Variants in BICD2 observed in about 807,000 individuals in gnomAD.
The protein encoded by BICD2 is BICD cargo adaptor 2, also known as protein bicaudal D homolog 2.
In BICD2, 25 loss-of-function variants were observed where a neutral mutation model predicts 72.9. That is an observed-to-expected ratio of 0.34 (90% CI 0.25 to 0.48). The LOEUF is 0.48. BICD2 is among the 20% of genes least tolerant of loss of function. The pLI is 0.99. For missense variants in BICD2, 894 were observed against 1,175.2 expected (o/e 0.76, Z 3.50); for synonymous variants, 501 against 516.1 (o/e 0.97, Z 0.40).
chr9:92,718,533 C>G lies in BICD2; in HGVS notation c.2106+6G>C, dbSNP rs201184890. ...TGACATGTGCCCCTGCTGCCTGGCA[C>G]CTCACCTGCTTGTTGGCCTTGAGCA... On this transcript the variant is annotated splice_donor_region_variant and intron_variant, in intron 5 of 6. Coordinates refer to ENST00000356884, the MANE Select transcript of BICD2 (RefSeq NM_001003800.2). 22 of 1,601,066 alleles carry G rather than the reference C, an allele frequency of 1.4e-5. No individual in the cohort carries two copies. Among genetic ancestry groups the G allele is most frequent in the Non-Finnish European group, 1.7e-5 (20 of 1,172,418 alleles).
At chr9:92,725,285 C>T (rs1853545488) in intron 2 of BICD2, among the ~76,000 whole-genome samples, 1 of 152,242 alleles carries the variant, frequency 6.6e-6, no homozygotes, top group Non-Finnish European at 1.5e-5. Context: ...AAACCCAGAA[C>T]ACAGAGGCAC....
chr9:92,735,341 C>T (rs1342587931), intron 1 of BICD2, among the ~76,000 whole-genome samples: 6 of 151,998 alleles, frequency 3.9e-5, no homozygotes, highest in Non-Finnish European at 7.4e-5. Flanking sequence ...GCAGGACAGA[C>T]GCTGGGTCTA....
At chr9:92,746,825 C>G (rs1854023763) in intron 1 of BICD2, among the ~76,000 whole-genome samples, 1 of 152,200 alleles carries the variant, frequency 6.6e-6, no homozygotes, top group African/African-American at 2.4e-5. Context: ...CTGAGCACTT[C>G]AGGGTAACCT....
Position 92,719,227 on chromosome 9 carries a change from C to T in BICD2, c.1418G>A (p.Arg473His), listed in dbSNP as rs766539334. ...GAGTGCCTGGCCCTCAGCCTCATAGCGGCCCTTCTCCTCGGCGTGCTGGGC... is the reference window on the plus strand; with the variant it reads ...GAGTGCCTGGCCCTCAGCCTCATAGTGGCCCTTCTCCTCGGCGTGCTGGGC... ...REAQHAEEKG[R>H]YEAEGQALTE... is the part of the protein sequence containing the mutation. The change falls in exon 5 of 7, where the codon CGC becomes CAC. Residue 473 changes from arginine to histidine, a missense_variant. This residue lies in a region of BICD2 where 371 missense variants were observed against 439.1 expected (regional missense o/e 0.84). Transcript: ENST00000356884. 9.3e-6 allele frequency: 15 copies of T among 1,611,776 alleles called. No homozygotes were observed. The highest frequency in any genetic ancestry group is 3.3e-5 in the South Asian group (3 of 91,086).
At position 92,720,281 on chromosome 9, in the gene BICD2, G is replaced by T; in HGVS notation, c.1062+19C>A. Reference sequence around the variant, plus strand: ...CCTGGAGTGGGGACAGCGTGCCGAAGGCCCCACTGCCTGCTCACCTGCATC... The same window carrying T: ...CCTGGAGTGGGGACAGCGTGCCGAATGCCCCACTGCCTGCTCACCTGCATC... On this transcript the variant is annotated intron_variant, in intron 4 of 6. Transcript: ENST00000356884. The surrounding 1 kb of genome is among the most constrained non-coding windows in gnomAD (Gnocchi z 5.4). The T allele has an allele frequency of 6.3e-7, 1 of 1,593,302 alleles. No individual in the cohort carries two copies. Among genetic ancestry groups the T allele is most frequent in the South Asian group, 1.1e-5 (1 of 87,822 alleles).
At position 92,714,604 on chromosome 9, in the gene BICD2, C is replaced by A. The variant is rs1341761043; in HGVS notation, c.*550G>T. 7.2e-5 allele frequency: 71 copies of A among 985,484 alleles called. No homozygotes were observed. Among genetic ancestry groups the A allele is most frequent in the Non-Finnish European group, 8.2e-5 (68 of 830,074 alleles). The allele number at this position is 985,484 out of a possible 1,614,324, so 61.0% of individuals were successfully genotyped here. A position where few individuals can be genotyped will look rare whatever the true frequency, so the allele number is the denominator to read the frequency against. On this transcript the variant is annotated 3_prime_UTR_variant, in exon 7 of 7. Coordinates refer to ENST00000356884, the MANE Select transcript of BICD2 (RefSeq NM_001003800.2). ...GGGGAAGAAATTCTGCACTTCTTTC[C>A]TGAATATGATTTGCAGTCAGATACT... is the stretch of plus-strand genomic sequence containing the variant.
chr9:92,715,555 G>T (rs1853292239), intron 6 of BICD2, 92 bp from the exon 7 acceptor site: 1 of 1,282,436 alleles, frequency 7.8e-7, no homozygotes, highest in Non-Finnish European at 1.1e-6. Context: ...CCCTCTGACA[G>T]CCCTATACCA....
At chr9:92,715,728 G>A (rs1853296818) in intron 6 of BICD2, among the ~76,000 whole-genome samples, 1 of 152,222 alleles carries the variant, frequency 6.6e-6, no homozygotes, top group Non-Finnish European at 1.5e-5. Context: ...GAGTTTTGTG[G>A]TTTTGTGGGG....
chr9:92,728,914 T>G (rs897773469), intron 2 of BICD2, 110 bp downstream of exon 2: 7 of 1,196,900 alleles, frequency 5.8e-6, no homozygotes, highest in Non-Finnish European at 5.8e-6. Context: ...ACCAGCCAGC[T>G]GCAGCGTCCC....
intron 1 of BICD2, among the ~76,000 whole-genome samples, chr9:92,756,333 C>G (rs1307047678): frequency 1.3e-5 from 2 of 151,676 alleles, no homozygotes; most frequent in African/African-American, 4.8e-5. Context: ...ACGATCTCGG[C>G]TCACTGCAAG....
At position 92,715,257 on chromosome 9, in the gene BICD2, G is replaced by C. The variant is rs768524403; in HGVS notation, c.2465C>G (p.Pro822Arg). The C allele has an allele frequency of 1.9e-6, 3 of 1,613,066 alleles. No individual in the cohort carries two copies. Among genetic ancestry groups the C allele is most frequent in the Non-Finnish European group, 2.5e-6 (3 of 1,179,906 alleles). ...ACAGGCACAGGTGTGACTTACGCTCGGTGTGGCTGGCTTGGTCTTCGGGGC... is the reference window on the plus strand; with the variant it reads ...ACAGGCACAGGTGTGACTTACGCTCCGTGTGGCTGGCTTGGTCTTCGGGGC... ...KAAPKTKPAT[P>R]SVSHTCACAS... Residue 822 changes from proline (P) to arginine (R), a missense_variant, in exon 7 of 7, where the codon CCG becomes CGG. Pro to Arg is a moderately radical substitution (Grantham distance 103, BLOSUM62 -2). This residue lies in a region of BICD2 where 321 missense variants were observed against 443.9 expected (regional missense o/e 0.72). Transcript: ENST00000356884.
chr9:92,753,886 T>C (rs1369156882), intron 1 of BICD2, among the ~76,000 whole-genome samples: 1 of 151,718 alleles, frequency 6.6e-6, no homozygotes, highest in Non-Finnish European at 1.5e-5. Context: ...CACATAAGTC[T>C]GTAATTCCAG....
intron 6 of BICD2, among the ~76,000 whole-genome samples, chr9:92,716,708 G>C (rs1282191416): frequency 3.9e-5 from 6 of 152,232 alleles, no homozygotes. Context: ...GAAAGTGAAA[G>C]ACAGCGGTAC....
intron 1 of BICD2, among the ~76,000 whole-genome samples, chr9:92,735,972 G>A (rs900320088): frequency 6.6e-6 from 1 of 152,210 alleles, no homozygotes; most frequent in Non-Finnish European, 1.5e-5. Context: ...AAGGACAGCA[G>A]CACCCATTAG....
Position 92,764,667 on chromosome 9 carries a change from C to T in BICD2, c.78G>A (p.Val26=), listed in dbSNP as rs752899435. ...EAQPEWLRAE[V]KRLSHELAET... Reference sequence around the variant, plus strand: ...CGGCCAGCTCGTGGGACAGCCGCTTCACCTCGGCGCGCAGCCACTCCGGCT... The same window carrying T: ...CGGCCAGCTCGTGGGACAGCCGCTTTACCTCGGCGCGCAGCCACTCCGGCT... Residue 26 remains valine, a synonymous_variant, in exon 1 of 7, where the codon GTG becomes GTA. Coordinates refer to ENST00000356884, the MANE Select transcript of BICD2 (RefSeq NM_001003800.2). This position sits in a 1 kb window ranked among gnomAD's most constrained non-coding sequence, Gnocchi z 5.5. 6.3e-6 allele frequency: 10 copies of T among 1,590,212 alleles called. 1 individual carries two copies. Among genetic ancestry groups the T allele is most frequent in the South Asian group, 2.3e-5 (2 of 87,628 alleles).
intron 1 of BICD2, among the ~76,000 whole-genome samples, chr9:92,760,558 C>A (rs560140841): frequency 5.6e-4 from 85 of 152,342 alleles, no homozygotes; most frequent in African/African-American, 1.9e-3. Context: ...CCTTCATGAC[C>A]CCCTGCCCCA....
rs369592794 is a variant in BICD2, at chr9:92,715,138, C to T, written c.*16G>A. 58 of 1,554,120 alleles carry T rather than the reference C, an allele frequency of 3.7e-5. No individual in the cohort carries two copies. The Admixed American group carries it at 5.1e-4, about 14-fold the overall frequency. On this transcript the variant is annotated 3_prime_UTR_variant, in exon 7 of 7. Transcript: ENST00000356884. ...TGAAGCAGATGTTAGCTGCAGCGTG[C>T]GGCGCCCCACAGCCCCTAATCACAG...
intron 1 of BICD2, among the ~76,000 whole-genome samples, chr9:92,747,415 GCT>G (rs1358634203): frequency 6.6e-6 from 1 of 152,140 alleles, no homozygotes; most frequent in African/African-American, 2.4e-5. Flanking sequence ...TCCCCGCCAG[GCT>G]CCTGGGTGAG....
In BICD2 at chr9:92,720,620, T is replaced by G. The variant is rs1476363812; in HGVS notation, c.742A>C (p.Lys248Gln). ...CTGTTCTTCTGTTCGCGCTCCGTCTTCAGGGTCTCCAGCGCCTCCTCCAGC... is the reference window on the plus strand; with the variant it reads ...CTGTTCTTCTGTTCGCGCTCCGTCTGCAGGGTCTCCAGCGCCTCCTCCAGC... ...RQLEEALETLKTEREQKNSLR... is the reference protein window; with the variant it reads ...RQLEEALETLQTEREQKNSLR... The change falls in exon 4 of 7, where the codon AAG becomes CAG. Residue 248 changes from lysine (K) to glutamine (Q), a missense_variant. This residue lies in a region of BICD2 where 371 missense variants were observed against 439.1 expected (regional missense o/e 0.84). Coordinates refer to ENST00000356884, the MANE Select transcript of BICD2 (RefSeq NM_001003800.2). This position sits in a 1 kb window ranked among gnomAD's most constrained non-coding sequence, Gnocchi z 5.4. The G allele has an allele frequency of 6.2e-7, 1 of 1,614,062 alleles. No individual in the cohort carries two copies. Among genetic ancestry groups the G allele is most frequent in the Non-Finnish European group, 8.5e-7 (1 of 1,180,044 alleles).
Sources: allele counts gnomAD v4.1 joint callset (sites outside exome capture counted in the v4.1 genomes callset), GRCh38; gene constraint gnomAD v4.1.1; regional missense constraint gnomAD v4.1.1; non-coding constraint Gnocchi (gnomAD v3.1); transcripts MANE v1.5; gene names NCBI Gene and HGNC (gene_info 2026-07-23, HGNC 2026-07-21).